Variants in TP53BP2 observed in about 807,000 individuals in gnomAD.
TP53BP2 encodes the protein tumor protein p53 binding protein 2, also known as apoptosis-stimulating of p53 protein 2.
In TP53BP2, 62 loss-of-function variants were observed where a neutral mutation model predicts 126.2. The observed-to-expected ratio is 0.49, with a 90% confidence interval of 0.40 to 0.61. The LOEUF (loss-of-function observed/expected upper bound fraction) is 0.61. Among genes scored for constraint, TP53BP2 ranks in the 20% least tolerant of loss-of-function variants. The pLI is 0.00. For missense variants in TP53BP2, 1,215 were observed against 1,402.8 expected, an observed-to-expected ratio of 0.87 and a Z score of 2.14; for synonymous variants, 485 against 502.9, an observed-to-expected ratio of 0.96 and a Z score of 0.48.
chr1:223,833,121 A>G (rs909715960), intron 1 of TP53BP2, among the ~76,000 whole-genome samples: 1 of 152,242 alleles, frequency 6.6e-6, no homozygotes, highest in African/African-American at 2.4e-5. Context: ...TCTTGGAGCC[A>G]TTAAACTGCT....
chr1:223,836,197 T>C (rs1426361896), intron 1 of TP53BP2, among the ~76,000 whole-genome samples: 2 of 152,222 alleles, frequency 1.3e-5, no homozygotes, highest in Non-Finnish European at 2.9e-5. Flanking sequence ...AAAATTTGTT[T>C]TATACACATG....
rs1662300929 is a variant in TP53BP2, at chr1:223,795,851, G to A, written c.2688C>T (p.Arg896=). ...AGACCTGCCCGGTGATTTCAGGCGG[G>A]CGCATGCTCACCGAGTCTTCTCCGG... The part of the protein sequence containing the change: ...EGPGEDSVSM[R]PPEITGQVSL... Residue 896 remains arginine, a synonymous_variant, in exon 13 of 18, where the codon CGC becomes CGT. Transcript: ENST00000343537. 1 of 1,577,008 alleles carries A rather than the reference G, an allele frequency of 6.3e-7. No individual in the cohort carries two copies. Among genetic ancestry groups the A allele is most frequent in the South Asian group, 1.2e-5 (1 of 86,610 alleles).
chr1:223,784,036 G>T, intron 17 of TP53BP2, 79 bp downstream of exon 17: 1 of 1,272,390 alleles, frequency 7.9e-7, no homozygotes, highest in Non-Finnish European at 1.2e-6. Context: ...TTGGTGCACT[G>T]TACACATAAC....
Position 223,798,339 on chromosome 1 carries a change from C to A in TP53BP2, c.1824G>T (p.Gln608His), listed in dbSNP as rs1325357430. 17 of 1,614,000 alleles carry A rather than the reference C, an allele frequency of 1.1e-5. No individual in the cohort carries two copies. The highest frequency in any genetic ancestry group is 1.2e-5 in the Non-Finnish European group (14 of 1,180,024). Residue 608 changes from glutamine to histidine, a missense_variant, in exon 12 of 18, where the codon CAG becomes CAT. Physicochemically the swap from Gln to His is conservative, Grantham distance 24. Transcript: ENST00000343537. ...DTLLPPFRKP[Q>H]TVAASSIYSM... ...AATATATTGAACTTGCTGCCACGGT[C>A]TGGGGTTTTCTGAAGGGTGGAAGTA...
chr1:223,812,921 C>T (rs557653171), intron 3 of TP53BP2, among the ~76,000 whole-genome samples: 10 of 152,084 alleles, frequency 6.6e-5, no homozygotes, highest in African/African-American at 2.4e-4. Context: ...TGGTCTCAAA[C>T]TCCTGATCTA....
intron 12 of TP53BP2, among the ~76,000 whole-genome samples, chr1:223,797,608 T>G (rs1418274555): frequency 6.6e-6 from 1 of 152,034 alleles, no homozygotes; most frequent in Non-Finnish European, 1.5e-5. Flanking sequence ...GTGGGGCTTC[T>G]CCATGTTGGT....
At chr1:223,810,638 A>T in intron 3 of TP53BP2, 125 bp from the exon 4 acceptor site, 2 of 686,388 alleles carry the variant, frequency 2.9e-6, no homozygotes, top group Non-Finnish European at 2.4e-6. Context: ...TTAAAACAAA[A>T]TATTTTCTAA....
At chr1:223,825,115 A>T (rs1663447082) in intron 1 of TP53BP2, among the ~76,000 whole-genome samples, 1 of 151,926 alleles carries the variant, frequency 6.6e-6, no homozygotes, top group Admixed American at 6.6e-5. Context: ...GTCATATGTT[A>T]TATTTATTTA....
At chr1:223,798,176 G>C in intron 12 of TP53BP2, 39 bp downstream of exon 12, 3 of 1,569,968 alleles carry the variant, frequency 1.9e-6, no homozygotes, top group Non-Finnish European at 1.7e-6. Flanking sequence ...TTCTGGTATA[G>C]AACTTAAGCA....
intron 1 of TP53BP2, among the ~76,000 whole-genome samples, chr1:223,844,807 G>A (rs182205368): frequency 2.7e-4 from 41 of 152,288 alleles, no homozygotes; most frequent in Non-Finnish European, 4.4e-5. Flanking sequence ...TTCTTTGTCT[G>A]AACAAATGGA....
Position 223,797,820 on chromosome 1 carries a change from G to A in TP53BP2, c.1948+395C>T, listed in dbSNP as rs148627705. Among the ~76,000 whole-genome samples, 563 of 151,558 alleles carry A rather than the reference G, an allele frequency of 3.7e-3. 3 individuals are homozygous for A. Among genetic ancestry groups the A allele is most frequent in the Middle Eastern group, 0.01 (3 of 292 alleles). ...TATATATCTATATATACATGTCTAC[G>A]TATATATGTCTCTCTATATGTATAT... On this transcript the variant is annotated intron_variant, in intron 12 of 17. Transcript: ENST00000343537.
chr1:223,814,419 T>C, intron 2 of TP53BP2, 66 bp from the exon 3 acceptor site: 3 of 1,159,968 alleles, frequency 2.6e-6, no homozygotes, highest in Non-Finnish European at 3.8e-6. Context: ...TCATTCACCA[T>C]CTATCCTTCA....
intron 3 of TP53BP2, among the ~76,000 whole-genome samples, chr1:223,812,381 A>T (rs528154052): frequency 2.0e-5 from 3 of 151,098 alleles, no homozygotes; most frequent in Admixed American, 6.6e-5. Context: ...TTAGTTAATA[A>T]AACTGAACTT....
intron 1 of TP53BP2, among the ~76,000 whole-genome samples, chr1:223,824,565 A>C (rs1474803427): frequency 1.3e-5 from 2 of 152,194 alleles, no homozygotes; most frequent in African/African-American, 4.8e-5. Flanking sequence ...TCTGAAACTC[A>C]GCATCCTCAT....
chr1:223,809,308 C>T (rs1444378532), intron 4 of TP53BP2, among the ~76,000 whole-genome samples: 1 of 151,992 alleles, frequency 6.6e-6, no homozygotes, highest in Non-Finnish European at 1.5e-5. Flanking sequence ...GGCTAACGTC[C>T]GTAATCCCAG....
At chr1:223,815,915 T>TG (rs1663072096) in intron 2 of TP53BP2, among the ~76,000 whole-genome samples, 1 of 152,202 alleles carries the variant, frequency 6.6e-6, no homozygotes, top group Admixed American at 6.5e-5. Flanking sequence ...AGCCTAGGTG[T>TG]GTAGTAGGCT....
At chr1:223,833,277 A>G (rs1472565870) in intron 1 of TP53BP2, among the ~76,000 whole-genome samples, 1 of 152,232 alleles carries the variant, frequency 6.6e-6, no homozygotes, top group Non-Finnish European at 1.5e-5. Context: ...TATCAGTTAC[A>G]TCTGAGTTTA....
intron 8 of TP53BP2, 57 bp from the exon 9 acceptor site, chr1:223,802,401 T>C (rs1014211192): frequency 6.7e-7 from 1 of 1,490,136 alleles, no homozygotes; most frequent in African/African-American, 1.4e-5. Context: ...TGATCAGACT[T>C]AGAAACTAAG....
intron 1 of TP53BP2, among the ~76,000 whole-genome samples, chr1:223,837,163 G>GGGA (rs1553264323): frequency 0.077 from 9,633 of 124,722 alleles, 564 homozygotes; most frequent in East Asian, 0.2. Flanking sequence ...AAAGGGGGGG[G>GGGA]GCGGGGGGTC....
Sources: allele counts gnomAD v4.1 joint callset (sites outside exome capture counted in the v4.1 genomes callset), GRCh38; gene constraint gnomAD v4.1.1; transcripts MANE v1.5; gene names NCBI Gene and HGNC (gene_info 2026-07-23, HGNC 2026-07-21).